The following NOL4 variants were observed in gnomAD, a reference collection of about 807,000 sequenced individuals.
NOL4 encodes the protein nucleolar protein 4, also known as cancer/testis antigen 125.
In NOL4, 17 loss-of-function variants were observed where a neutral mutation model predicts 75.9. That is an observed-to-expected ratio of 0.22 (90% CI 0.15 to 0.34). The LOEUF (loss-of-function observed/expected upper bound fraction) is 0.34. NOL4 is among the 10% of genes least tolerant of loss of function. NOL4 has a pLI of 1.00. For synonymous variants in NOL4, 292 were observed against 289.9 expected (o/e 1.01, Z -0.07); for missense variants, 614 against 793.5 (o/e 0.77, Z 2.72).
chr18:34,130,176 A>T (rs1384892512), intron 1 of NOL4, among the ~76,000 whole-genome samples, 156 bp from the exon 2 acceptor site: 1 of 152,118 alleles, frequency 6.6e-6, no homozygotes, highest in Non-Finnish European at 1.5e-5. Flanking sequence ...TCAATATTTT[A>T]TGCATTACTT....
intron 1 of NOL4, among the ~76,000 whole-genome samples, chr18:34,158,336 T>TA (rs1405896870): frequency 2.6e-5 from 4 of 152,196 alleles, no homozygotes; most frequent in African/African-American, 9.6e-5. Context: ...TTTACGTCGG[T>TA]AGTCAGTAGA....
At chr18:33,924,417 C>A (rs781676185) in intron 9 of NOL4, among the ~76,000 whole-genome samples, 24 of 152,078 alleles carry the variant, frequency 1.6e-4, no homozygotes, top group Non-Finnish European at 2.9e-4. Context: ...TTTTAAACTA[C>A]GGCATTAATC....
At chr18:33,882,250 C>T (rs1349619395) in intron 10 of NOL4, among the ~76,000 whole-genome samples, 2 of 152,050 alleles carry the variant, frequency 1.3e-5, no homozygotes, top group African/African-American at 2.4e-5. Flanking sequence ...AAAGAAACTA[C>T]CATCAGAGTG....
chr18:34,109,363 G>T (rs1188179972), intron 2 of NOL4, among the ~76,000 whole-genome samples: 7 of 151,868 alleles, frequency 4.6e-5, no homozygotes, highest in Non-Finnish European at 1.0e-4. Context: ...ATTATAAAAA[G>T]TAAAAATTCG....
chr18:33,931,221 A>T (rs1209901786), intron 9 of NOL4, among the ~76,000 whole-genome samples: 1 of 152,196 alleles, frequency 6.6e-6, no homozygotes, highest in Non-Finnish European at 1.5e-5. Context: ...CTGACAATTT[A>T]GGATTCTTAG....
In NOL4 at chr18:33,877,826, TTGTGTG is replaced by T. The variant is rs113939972; in HGVS notation, c.1723+5412_1723+5417del. 5.4e-5 allele frequency among the ~76,000 whole-genome samples: 8 copies of T among 148,226 alleles called. No homozygotes were observed. In the South Asian group the frequency reaches 6.5e-4, roughly 12 times the overall value. On this transcript the variant is annotated intron_variant, in intron 10 of 10. Transcript: ENST00000261592. ...AGGAATAGGTACCAATGTTGTGTGA[TTGTGTG>T]TGTGTGTGTGTGTGTGTGTGCGCTA...
chr18:34,022,378 G>A (rs913284977), intron 5 of NOL4, among the ~76,000 whole-genome samples: 2 of 151,900 alleles, frequency 1.3e-5, no homozygotes, highest in East Asian at 1.9e-4. Flanking sequence ...TAAATAATAT[G>A]ACATTTTTTA....
chr18:34,129,972 C>T lies in NOL4; in HGVS notation c.313G>A (p.Val105Ile). Residue 105 changes from valine (V) to isoleucine (I), a missense_variant, in exon 2 of 11, where the codon GTT becomes ATT. Val to Ile is a conservative substitution (Grantham distance 29, BLOSUM62 3). Around this residue, in one of 9 missense-constraint regions of NOL4, gnomAD observed 135 missense variants for 220.4 expected, o/e 0.61. Coordinates refer to ENST00000261592, the MANE Select transcript of NOL4 (RefSeq NM_003787.5). ...EKLSLRRVAV[V>I]EDFFDIIYSM... ...TAAATAATGTCAAAGAAATCTTCAA[C>T]CACAGCTACCCGTCGTAAAGATAGC... 6.3e-7 allele frequency: 1 copy of T among 1,596,024 alleles called. No individual in the cohort carries two copies. Among genetic ancestry groups the T allele is most frequent in the Non-Finnish European group, 8.5e-7 (1 of 1,170,428 alleles).
At chr18:34,114,068 T>C (rs969551760) in intron 2 of NOL4, among the ~76,000 whole-genome samples, 1 of 152,210 alleles carries the variant, frequency 6.6e-6, no homozygotes, top group African/African-American at 2.4e-5. Flanking sequence ...TTGATTCAGA[T>C]ACTAAAAATA....
chr18:33,948,495 G>C (rs1178960518), intron 8 of NOL4, among the ~76,000 whole-genome samples: 2 of 151,918 alleles, frequency 1.3e-5, no homozygotes, highest in Non-Finnish European at 2.9e-5. Context: ...GTGGAATAGA[G>C]ATAGTCTGCA....
chr18:34,213,071 G>A (rs779443763), intron 1 of NOL4, among the ~76,000 whole-genome samples: 14 of 152,170 alleles, frequency 9.2e-5, no homozygotes, highest in Non-Finnish European at 1.9e-4. Flanking sequence ...TACAAGGGTG[G>A]GGGCCATCTG....
intron 5 of NOL4, among the ~76,000 whole-genome samples, chr18:34,082,700 C>T (rs377626701): frequency 6.6e-6 from 1 of 152,262 alleles, no homozygotes; most frequent in East Asian, 1.9e-4. Flanking sequence ...GTGCACTAAA[C>T]TCCACTGTCC....
At chr18:33,890,690 A>G (rs1367045453) in intron 9 of NOL4, among the ~76,000 whole-genome samples, 1 of 152,118 alleles carries the variant, frequency 6.6e-6, no homozygotes, top group Non-Finnish European at 1.5e-5. Context: ...TGTACTTATG[A>G]TGAACTTTTA....
chr18:34,140,602 G>T (rs946490564), intron 1 of NOL4, among the ~76,000 whole-genome samples: 1 of 152,026 alleles, frequency 6.6e-6, no homozygotes, highest in Admixed American at 6.6e-5. Flanking sequence ...CTCCTGAATA[G>T]AGCACACTGA....
At chr18:33,947,329 C>T (rs2068906581) in intron 8 of NOL4, among the ~76,000 whole-genome samples, 1 of 151,650 alleles carries the variant, frequency 6.6e-6, no homozygotes, top group Admixed American at 6.6e-5. Flanking sequence ...CTTTCTAAAA[C>T]ATAATTAGCA....
At chr18:33,915,053 T>C (rs947126659) in intron 9 of NOL4, among the ~76,000 whole-genome samples, 6 of 152,138 alleles carry the variant, frequency 3.9e-5, no homozygotes, top group African/African-American at 1.2e-4. Context: ...GCAAGTGAGA[T>C]GGAACTGCAA....
Position 34,055,390 on chromosome 18 carries a change from T to C in NOL4, c.773-35789A>G, listed in dbSNP as rs563736342. Reference sequence around the variant, plus strand: ...TTTTGTTGGCTGTAGTATTCTTGGTTGACAGCATTTTTTTCTCTAAACACT... The same window carrying C: ...TTTTGTTGGCTGTAGTATTCTTGGTCGACAGCATTTTTTTCTCTAAACACT... On this transcript the variant is annotated intron_variant, in intron 5 of 10. Transcript: ENST00000261592. Among the ~76,000 whole-genome samples the C allele has an allele frequency of 2.3e-3, 344 of 152,288 alleles. 2 individuals carry two copies. Among genetic ancestry groups the C allele is most frequent in the African/African-American group, 7.8e-3 (326 of 41,576 alleles).
At chr18:33,964,509 A>G (rs187840501) in intron 6 of NOL4, among the ~76,000 whole-genome samples, 30 of 152,080 alleles carry the variant, frequency 2.0e-4, no homozygotes, top group East Asian at 1.9e-3. Context: ...GAAAGAAAAG[A>G]AAGGAAGGAA....
chr18:33,867,622 G>A (rs2063494617), intron 10 of NOL4, among the ~76,000 whole-genome samples: 1 of 150,430 alleles, frequency 6.6e-6, no homozygotes, highest in African/African-American at 2.5e-5. Context: ...TCCCTGGAAA[G>A]TTAAGACTCT....
Sources: allele counts gnomAD v4.1 joint callset (sites outside exome capture counted in the v4.1 genomes callset), GRCh38; gene constraint gnomAD v4.1.1; regional missense constraint gnomAD v4.1.1; transcripts MANE v1.5; gene names NCBI Gene and HGNC (gene_info 2026-07-23, HGNC 2026-07-21).